The following PSPC1 variants were observed in gnomAD, a reference collection of about 807,000 sequenced individuals.
PSPC1 encodes paraspeckle protein 1.
A neutral mutation model predicts 51.6 loss-of-function variants in PSPC1; 14 were observed. The ratio of observed to expected loss-of-function variants is 0.27; its 90% confidence interval spans 0.18 to 0.42. The LOEUF (loss-of-function observed/expected upper bound fraction) is 0.42, where lower values mean the gene tolerates loss of function less well. Ranked by LOEUF, PSPC1 falls within the 10% of genes least tolerant of loss-of-function variation. The pLI, the probability that PSPC1 is intolerant of heterozygous loss-of-function variation, is 1.00. For synonymous variants in PSPC1, 193 were observed against 231.9 expected, an observed-to-expected ratio of 0.83 and a Z score of 1.53; for missense variants, 406 against 701.1, an observed-to-expected ratio of 0.58 and a Z score of 4.75.
At chr13:19,708,949 G>A (rs980213485) in intron 7 of PSPC1, among the ~76,000 whole-genome samples, 2 of 152,042 alleles carry the variant, frequency 1.3e-5, no homozygotes, top group African/African-American at 4.8e-5. Context: ...AACTGCTTGA[G>A]CCCAGGAGTT....
In PSPC1 at chr13:19,772,470, A is replaced by G. The variant is rs769889904; in HGVS notation, c.446T>C (p.Ile149Thr). The change falls in exon 2 of 9, where the codon ATT becomes ACT. Residue 149 changes from isoleucine (I) to threonine (T), a missense_variant. Ile to Thr is a moderately conservative substitution (Grantham distance 89). Transcript: ENST00000338910. The stretch of plus-strand genomic sequence containing the variant: ...GGCTGCTCCATGTGTAGCGAAGCGA[A>G]TCCGTAGAGGTCTGCTCTTGAGAAT... ...GTILKSRPLRIRFATHGAALT... is the reference protein window; with the variant it reads ...GTILKSRPLRTRFATHGAALT... 1 of 1,614,236 alleles carries G rather than the reference A, an allele frequency of 6.2e-7. No individual in the cohort carries two copies. The highest frequency in any genetic ancestry group is 1.7e-5 in the Admixed American group (1 of 60,022).
At chr13:19,734,518 G>A (rs1884526792) in intron 5 of PSPC1, among the ~76,000 whole-genome samples, 1 of 152,124 alleles carries the variant, frequency 6.6e-6, no homozygotes, top group East Asian at 1.9e-4. Flanking sequence ...AAAGGAAGTG[G>A]GGGCCAGGCG....
intron 7 of PSPC1, among the ~76,000 whole-genome samples, chr13:19,706,729 C>A (rs1312598854): frequency 6.6e-6 from 1 of 152,084 alleles, no homozygotes; most frequent in Non-Finnish European, 1.5e-5. Context: ...AAATTCATAA[C>A]AAAGCCATTC....
intron 2 of PSPC1, among the ~76,000 whole-genome samples, chr13:19,762,160 G>C (rs1314578408): frequency 6.6e-6 from 1 of 152,140 alleles, no homozygotes; most frequent in African/African-American, 2.4e-5. Flanking sequence ...ATTTCTAAGA[G>C]GGAACTTAAT....
At chr13:19,690,212 G>A (rs1221176052) in intron 6 of PSPC1, among the ~76,000 whole-genome samples, 1 of 152,150 alleles carries the variant, frequency 6.6e-6, no homozygotes, top group Non-Finnish European at 1.5e-5. Context: ...TATTTCTCCT[G>A]CAAATCTTAG....
At chr13:19,696,396 GAACA>G (rs1269940812) in intron 6 of PSPC1, among the ~76,000 whole-genome samples, 2 of 151,790 alleles carry the variant, frequency 1.3e-5, no homozygotes, top group Non-Finnish European at 2.9e-5. Flanking sequence ...CAATTTTTTG[GAACA>G]AACAACTGTC....
rs530720878 is a variant in PSPC1, at chr13:19,691,621, T to C, written c.1159-13798A>G. ...GAAACTGTTCTGAAAAAGGCACTTA[T>C]AAGAGATTTACAAAGGCCGGGCGTG... On this transcript the variant is annotated intron_variant and NMD_transcript_variant, in intron 6 of 7. Coordinates refer to the PSPC1 transcript ENST00000471658. 3.7e-3 allele frequency among the ~76,000 whole-genome samples: 557 copies of C among 151,844 alleles called. 3 individuals carry two copies. Among genetic ancestry groups the C allele is most frequent in the Non-Finnish European group, 5.1e-3 (347 of 67,928 alleles).
In PSPC1 at chr13:19,767,196, A is replaced by G. The variant is rs529310358; in HGVS notation, c.674+5046T>C. On this transcript the variant is annotated intron_variant, in intron 2 of 8. Coordinates refer to ENST00000338910, the MANE Select transcript of PSPC1 (RefSeq NM_001354909.2). ...TTAAAAAATAAAAATAAAATGGAAA[A>G]GCAAGATCTATGACAATCTGAAGAA... Among the ~76,000 whole-genome samples the G allele has an allele frequency of 2.0e-5, 3 of 152,218 alleles. No homozygotes were observed. In the South Asian group the frequency reaches 6.2e-4, roughly 32 times the overall value.
chr13:19,703,760 G>A (rs192348400), intron 8 of PSPC1, among the ~76,000 whole-genome samples: 3 of 151,938 alleles, frequency 2.0e-5, no homozygotes, highest in Non-Finnish European at 2.9e-5. Context: ...TAAAACTGGG[G>A]AGCAGCATCA....
intron 6 of PSPC1, among the ~76,000 whole-genome samples, chr13:19,728,072 C>T (rs184053955): frequency 2.0e-4 from 31 of 152,184 alleles, no homozygotes; most frequent in African/African-American, 7.5e-4. Context: ...GGCTTACATC[C>T]TTGAAACTCT....
intron 6 of PSPC1, among the ~76,000 whole-genome samples, chr13:19,723,697 T>C (rs1351268790): frequency 6.6e-6 from 1 of 152,244 alleles, no homozygotes; most frequent in African/African-American, 2.4e-5. Context: ...ATTCTAAGAA[T>C]ATGTGTAAAC....
At chr13:19,684,078 T>C (rs1325661421) in intron 6 of PSPC1, among the ~76,000 whole-genome samples, 5 of 152,194 alleles carry the variant, frequency 3.3e-5, no homozygotes, top group African/African-American at 1.2e-4. Context: ...GCAAGGCAAC[T>C]GTAGTGAGGC....
chr13:19,676,535 T>C (rs751406120), intron 7 of PSPC1, among the ~76,000 whole-genome samples: 1 of 152,046 alleles, frequency 6.6e-6, no homozygotes, highest in Non-Finnish European at 1.5e-5. Flanking sequence ...TCAAACCAAG[T>C]GCACACAAAT....
At chr13:19,740,315 C>A (rs918398571) in intron 5 of PSPC1, among the ~76,000 whole-genome samples, 15 of 151,700 alleles carry the variant, frequency 9.9e-5, no homozygotes, top group African/African-American at 3.4e-4. Flanking sequence ...TGCACTCCAG[C>A]CTGGGCAACA....
At chr13:19,769,604 G>C (rs901686314) in intron 2 of PSPC1, among the ~76,000 whole-genome samples, 2 of 150,298 alleles carry the variant, frequency 1.3e-5, no homozygotes, top group East Asian at 3.9e-4. Context: ...GCATGGTGGC[G>C]CATGCCTGTA....
chr13:19,744,124 AC>A (rs1885709942), intron 4 of PSPC1, among the ~76,000 whole-genome samples: 1 of 152,062 alleles, frequency 6.6e-6, no homozygotes, highest in South Asian at 2.1e-4. Flanking sequence ...CAAAAAAATT[AC>A]TTAAATACCT....
chr13:19,776,294 G>C (rs1310033773), intron 1 of PSPC1, among the ~76,000 whole-genome samples: 1 of 151,912 alleles, frequency 6.6e-6, no homozygotes, highest in Non-Finnish European at 1.5e-5. Context: ...GAGAGACCTT[G>C]TCTCTACAAA....
At chr13:19,763,636 GGTT>G (rs1372551547) in intron 2 of PSPC1, among the ~76,000 whole-genome samples, 2 of 152,134 alleles carry the variant, frequency 1.3e-5, no homozygotes, top group African/African-American at 4.8e-5. Flanking sequence ...TGCATCATAG[GGTT>G]GTTATGATAA....
intron 6 of PSPC1, among the ~76,000 whole-genome samples, chr13:19,679,738 G>C (rs1326964788): frequency 6.6e-6 from 1 of 152,066 alleles, no homozygotes; most frequent in Admixed American, 6.5e-5. Context: ...GATATTCATG[G>C]GGGCAGAAGC....
Sources: gnomAD v4.1 joint callset for allele counts (sites outside exome capture counted in the v4.1 genomes callset) on GRCh38, gnomAD v4.1.1 for gene constraint, MANE v1.5 for transcripts, NCBI Gene and HGNC (gene_info 2026-07-23, HGNC 2026-07-21) for gene names.